Variants in CTIF observed in about 807,000 individuals in gnomAD.
CTIF encodes CBP80/20-dependent translation initiation factor.
CTIF carries 21 observed loss-of-function variants against 66.0 expected under a neutral mutation model. That is an observed-to-expected ratio of 0.32 (90% CI 0.23 to 0.46). The LOEUF is 0.46. Among genes scored for constraint, CTIF ranks in the 20% least tolerant of loss-of-function variants. CTIF has a pLI of 1.00. For missense variants in CTIF, 739 were observed against 812.7 expected, an observed-to-expected ratio of 0.91 and a Z score of 1.10; for synonymous variants, 345 against 326.4, an observed-to-expected ratio of 1.06 and a Z score of -0.62.
chr18:48,654,666 C>T (rs2091213759), intron 3 of CTIF, among the ~76,000 whole-genome samples: 1 of 152,224 alleles, frequency 6.6e-6, no homozygotes, highest in Non-Finnish European at 1.5e-5. Flanking sequence ...TATAAAGACA[C>T]ATGCACACGT....
chr18:48,577,924 C>G (rs1034798937), intron 1 of CTIF, among the ~76,000 whole-genome samples: 1 of 148,136 alleles, frequency 6.8e-6, no homozygotes, highest in African/African-American at 2.4e-5. Context: ...ACCCTCAACA[C>G]TATCTAACCC....
In CTIF at chr18:48,807,642, G is replaced by A. The variant is rs577635380; in HGVS notation, c.1372-9579G>A. 2.2e-3 allele frequency among the ~76,000 whole-genome samples: 335 copies of A among 149,864 alleles called. 2 individuals carry two copies. The highest frequency in any genetic ancestry group is 2.7e-3 in the Non-Finnish European group (182 of 67,644). ...GTTGCCCAGGCTGGAGTGCAGTGGC[G>A]CAATCTCGGCTCACTGCAACTTCCA... On this transcript the variant is annotated intron_variant, in intron 9 of 11. Transcript: ENST00000256413.
chr18:48,741,600 T>C (rs1053835264), intron 7 of CTIF, among the ~76,000 whole-genome samples: 50 of 152,034 alleles, frequency 3.3e-4, no homozygotes, highest in African/African-American at 1.2e-3. Flanking sequence ...TTTTTTTGTA[T>C]TTTTAGTAGG....
intron 2 of CTIF, among the ~76,000 whole-genome samples, chr18:48,627,935 A>G (rs12958957): frequency 0.15 from 23,167 of 151,864 alleles, 1,904 homozygotes; most frequent in South Asian, 0.26. Flanking sequence ...TCTGAATGCT[A>G]TGTAGAGAAT....
At chr18:48,785,860 A>G (rs1290512003) in intron 9 of CTIF, among the ~76,000 whole-genome samples, 1 of 152,130 alleles carries the variant, frequency 6.6e-6, no homozygotes, top group African/African-American at 2.4e-5. Flanking sequence ...GGACCCCCGC[A>G]TCAACATTGT....
Position 48,817,276 on chromosome 18 carries a change from G to C in CTIF, c.1427G>C (p.Gly476Ala). 1.2e-6 allele frequency: 2 copies of C among 1,614,008 alleles called. No individual in the cohort carries two copies. Among genetic ancestry groups the C allele is most frequent in the Non-Finnish European group, 1.7e-6 (2 of 1,179,958 alleles). ...LQQQDVERWL[G>A]FITFLCEVFG... ...CAGCAGGACGTGGAGCGCTGGCTGG[G>C]CTTCATCACCTTCCTGTGCGAGGTC... is the stretch of plus-strand genomic sequence containing the variant. The change falls in exon 10 of 12, where the codon GGC becomes GCC. Residue 476 changes from glycine (G) to alanine (A), a missense_variant. Physicochemically the swap from Gly to Ala is moderately conservative, Grantham distance 60. This residue lies in a region of CTIF where 210 missense variants were observed against 292.3 expected (regional missense o/e 0.72). Coordinates refer to ENST00000256413, the MANE Select transcript of CTIF (RefSeq NM_014772.3).
chr18:48,845,305 T>C (rs2069046220), intron 10 of CTIF, among the ~76,000 whole-genome samples: 1 of 152,214 alleles, frequency 6.6e-6, no homozygotes, highest in South Asian at 2.1e-4. Context: ...ACTGCCCCAG[T>C]AGCAGCACTG....
At chr18:48,805,381 G>C (rs1224372407) in intron 9 of CTIF, among the ~76,000 whole-genome samples, 1 of 149,904 alleles carries the variant, frequency 6.7e-6, no homozygotes, top group Non-Finnish European at 1.5e-5. Flanking sequence ...TAGGAACGGA[G>C]GAGTGAGGGG....
chr18:48,540,490 TTCTC>T (rs1453443586), intron 1 of CTIF, among the ~76,000 whole-genome samples: 2 of 150,566 alleles, frequency 1.3e-5, no homozygotes, highest in Non-Finnish European at 3.0e-5. Context: ...AGCCGAGTGT[TTCTC>T]TATTGATGGT....
intron 10 of CTIF, among the ~76,000 whole-genome samples, chr18:48,854,851 A>G (rs1165450347): frequency 6.6e-6 from 1 of 152,218 alleles, no homozygotes; most frequent in African/African-American, 2.4e-5. Context: ...CGAGCCTAAG[A>G]GTTTGAGGTT....
chr18:48,632,345 C>T (rs2090734435), intron 2 of CTIF, among the ~76,000 whole-genome samples: 1 of 152,132 alleles, frequency 6.6e-6, no homozygotes, highest in South Asian at 2.1e-4. Flanking sequence ...GGCCACAGTC[C>T]CTCCTCCTGC....
At chr18:48,541,751 G>A (rs1298011449) in intron 1 of CTIF, among the ~76,000 whole-genome samples, 1 of 152,122 alleles carries the variant, frequency 6.6e-6, no homozygotes, top group Non-Finnish European at 1.5e-5. Flanking sequence ...ACATTCTAGG[G>A]CACAGTGTCA....
At chr18:48,745,850 T>G (rs2092591548) in intron 7 of CTIF, among the ~76,000 whole-genome samples, 13 of 151,538 alleles carry the variant, frequency 8.6e-5, no homozygotes, top group African/African-American at 3.1e-4. Flanking sequence ...AGGAGTCCTC[T>G]CTGTGATAAC....
chr18:48,745,847 C>A (rs17765458), intron 7 of CTIF, among the ~76,000 whole-genome samples: 45,083 of 152,124 alleles, frequency 0.3, 6,885 homozygotes, highest in African/African-American at 0.33. Flanking sequence ...TTGAGGAGTC[C>A]TCTCTGTGAT....
intron 1 of CTIF, among the ~76,000 whole-genome samples, chr18:48,544,811 C>G (rs1308643251): frequency 6.6e-6 from 1 of 152,200 alleles, no homozygotes; most frequent in Non-Finnish European, 1.5e-5. Flanking sequence ...CAGTAGTTGT[C>G]GGGCTGCTTT....
intron 1 of CTIF, among the ~76,000 whole-genome samples, chr18:48,559,014 G>T (rs758314970): frequency 6.6e-6 from 1 of 152,112 alleles, no homozygotes; most frequent in Non-Finnish European, 1.5e-5. Flanking sequence ...CTGTAGCACT[G>T]GACTCAGCAT....
At chr18:48,812,994 A>C (rs969462828) in intron 9 of CTIF, among the ~76,000 whole-genome samples, 2 of 145,260 alleles carry the variant, frequency 1.4e-5, no homozygotes, top group Non-Finnish European at 3.0e-5. Flanking sequence ...TATCTTCTCT[A>C]TCGTTTTTCT....
chr18:48,583,789 A>G (rs2089712224), intron 1 of CTIF, among the ~76,000 whole-genome samples: 1 of 152,156 alleles, frequency 6.6e-6, no homozygotes, highest in Non-Finnish European at 1.5e-5. Flanking sequence ...GATGGACAGA[A>G]GGTATGTCAT....
chr18:48,838,672 T>G (rs1701044416), intron 10 of CTIF, among the ~76,000 whole-genome samples: 1 of 152,216 alleles, frequency 6.6e-6, no homozygotes, highest in African/African-American at 2.4e-5. Flanking sequence ...GAGCCTTCAC[T>G]TAGGCACTGT....
Sources: gnomAD v4.1 joint callset for allele counts (sites outside exome capture counted in the v4.1 genomes callset) on GRCh38, gnomAD v4.1.1 for gene constraint, gnomAD v4.1.1 regional missense constraint, MANE v1.5 for transcripts, NCBI Gene and HGNC (gene_info 2026-07-23, HGNC 2026-07-21) for gene names.